Variants in LSM12 observed in about 807,000 individuals in gnomAD.
LSM12 encodes protein LSM12.
For missense variants in LSM12, 108 were observed against 238.9 expected (o/e 0.45, Z 3.61); for synonymous variants, 74 against 87.3 (o/e 0.85, Z 0.85).
At chr17:44,057,111 G>A (rs1238007593) in intron 2 of LSM12, among the ~76,000 whole-genome samples, 1 of 151,720 alleles carries the variant, frequency 6.6e-6, no homozygotes, top group African/African-American at 2.4e-5. Flanking sequence ...AGCTGAGATA[G>A]AGCCATGGCA....
chr17:44,061,054 A>G (rs1209995801), intron 2 of LSM12, among the ~76,000 whole-genome samples: 1 of 152,222 alleles, frequency 6.6e-6, no homozygotes, highest in African/African-American at 2.4e-5. Context: ...ACAGTGGCTC[A>G]CGCCTGTAAT....
At chr17:44,058,891 T>C (rs943515215) in intron 2 of LSM12, among the ~76,000 whole-genome samples, 3 of 151,780 alleles carry the variant, frequency 2.0e-5, no homozygotes, top group Admixed American at 6.6e-5. Context: ...TCCCAGCTAC[T>C]TGGGAGGCGA....
chr17:44,066,764 A>C, upstream of LSM12: 1 of 763,864 alleles, frequency 1.3e-6, no homozygotes, highest in South Asian at 6.4e-5. Context: ...GAGGAAATAA[A>C]GGGGAATCTG....
chr17:44,043,517 C>T (rs2049521767), intron 2 of LSM12, among the ~76,000 whole-genome samples: 1 of 147,824 alleles, frequency 6.8e-6, no homozygotes, highest in Non-Finnish European at 1.5e-5. Flanking sequence ...ACTCAAGCAC[C>T]AAAAAAACCC....
chr17:44,051,547 T>C (rs961670061), intron 2 of LSM12, among the ~76,000 whole-genome samples: 2 of 151,826 alleles, frequency 1.3e-5, no homozygotes, highest in Admixed American at 1.3e-4. Flanking sequence ...AGTAAGACCC[T>C]ATCTCGGGGA....
intron 2 of LSM12, among the ~76,000 whole-genome samples, chr17:44,057,685 G>A (rs1597895365): frequency 1.3e-5 from 2 of 151,580 alleles, no homozygotes; most frequent in Non-Finnish European, 2.9e-5. Flanking sequence ...CTTGAACCTG[G>A]GAGGCAGAGG....
intron 2 of LSM12, among the ~76,000 whole-genome samples, chr17:44,062,083 G>A (rs888278545): frequency 1.3e-5 from 2 of 152,070 alleles, no homozygotes; most frequent in Non-Finnish European, 2.9e-5. Context: ...TTAGCCGGGC[G>A]TGGTGTCGGG....
chr17:44,050,820 G>A (rs1289581357), intron 2 of LSM12, among the ~76,000 whole-genome samples: 2 of 152,142 alleles, frequency 1.3e-5, no homozygotes, highest in East Asian at 3.9e-4. Flanking sequence ...CGCGCCCAGT[G>A]TGCCTGAACA....
intron 2 of LSM12, among the ~76,000 whole-genome samples, chr17:44,050,394 G>A (rs879933543): frequency 2.6e-5 from 4 of 151,900 alleles, no homozygotes; most frequent in African/African-American, 4.8e-5. Flanking sequence ...ACAGGCATGC[G>A]CCACCGCACC....
Position 44,036,033 on chromosome 17 carries a change from T to C in LSM12, c.*175A>G. 1 of 528,272 alleles carries C rather than the reference T, an allele frequency of 1.9e-6. No homozygotes were observed. The highest frequency in any genetic ancestry group is 3.3e-6 in the Non-Finnish European group (1 of 301,862). 32.7% of individuals were successfully genotyped at this position (528,272 alleles called of 1,614,324 possible). The stretch of plus-strand genomic sequence containing the variant: ...TGATTCAACTTTTAAATTATTCTCT[T>C]GTTCTTTTTTGTTGGGTGTTTTGTT... On this transcript the variant is annotated 3_prime_UTR_variant, in exon 5 of 5. Coordinates refer to ENST00000293406, the MANE Select transcript of LSM12 (RefSeq NM_001371445.1).
Position 44,040,138 on chromosome 17 carries a change from C to T in LSM12, c.368+9G>A. 6.2e-7 allele frequency: 1 copy of T among 1,607,876 alleles called. No homozygotes were observed. The highest frequency in any genetic ancestry group is 8.5e-7 in the Non-Finnish European group (1 of 1,174,814). Reference sequence around the variant, plus strand: ...CCCAGGACAAAGGACCTCTCCGATCCCAACTCACGTCTTGTGAATGGTCTG... The same window carrying T: ...CCCAGGACAAAGGACCTCTCCGATCTCAACTCACGTCTTGTGAATGGTCTG... On this transcript the variant is annotated intron_variant, in intron 3 of 4. Coordinates refer to ENST00000293406, the MANE Select transcript of LSM12 (RefSeq NM_001371445.1).
At position 44,036,274 on chromosome 17, in the gene LSM12, T is replaced by C; in HGVS notation, c.522A>G (p.Glu174=). 1 of 1,613,902 alleles carries C rather than the reference T, an allele frequency of 6.2e-7. No individual in the cohort carries two copies. The highest frequency in any genetic ancestry group is 8.5e-7 in the Non-Finnish European group (1 of 1,179,966). Residue 174 remains glutamate (E), a synonymous_variant, in exon 5 of 5, where the codon GAA becomes GAG. Coordinates refer to ENST00000293406, the MANE Select transcript of LSM12 (RefSeq NM_001371445.1). ...GTGAACGTTGCAGTATCTTTTGGCT[T>C]TCCACGTCTCTAAAATGTTTTTCAA... ...KIVEKHFRDV[E]SQKILQRSQA... is the part of the protein sequence containing the mutation.
intron 2 of LSM12, among the ~76,000 whole-genome samples, chr17:44,045,495 A>C (rs2049551141): frequency 6.6e-6 from 1 of 152,180 alleles, no homozygotes; most frequent in Admixed American, 6.5e-5. Context: ...TTCCACTATG[A>C]GGATACAGTT....
intron 2 of LSM12, among the ~76,000 whole-genome samples, chr17:44,047,353 TCTC>T (rs534420533): frequency 4.6e-4 from 70 of 151,954 alleles, no homozygotes; most frequent in Middle Eastern, 3.4e-3. Flanking sequence ...TTCAAGCAAT[TCTC>T]CTGCCTCAGC....
At chr17:44,054,087 C>A (rs2049679919) in intron 2 of LSM12, among the ~76,000 whole-genome samples, 1 of 152,156 alleles carries the variant, frequency 6.6e-6, no homozygotes, top group African/African-American at 2.4e-5. Context: ...AGGAGGACAA[C>A]AATTCTCCTA....
At position 44,036,272 on chromosome 17, in the gene LSM12, C is replaced by T. The variant is rs2144061146; in HGVS notation, c.524G>A (p.Ser175Asn). Residue 175 changes from serine (S) to asparagine (N), a missense_variant, in exon 5 of 5, where the codon AGC becomes AAC. By Grantham distance (46) the Ser-to-Asn change is conservative. Transcript: ENST00000293406. ...IVEKHFRDVE[S>N]QKILQRSQAQ... ...TTGTGAACGTTGCAGTATCTTTTGG[C>T]TTTCCACGTCTCTAAAATGTTTTTC... The T allele has an allele frequency of 6.2e-7, 1 of 1,613,892 alleles. No homozygotes were observed. Among genetic ancestry groups the T allele is most frequent in the Non-Finnish European group, 8.5e-7 (1 of 1,179,986 alleles).
upstream of LSM12, chr17:44,066,784 T>C: frequency 1.6e-6 from 1 of 608,258 alleles, no homozygotes; most frequent in East Asian, 4.3e-5. Flanking sequence ...GAAAAGTATT[T>C]GTATAGCTGC....
rs753146103 is a variant in LSM12, at chr17:44,063,978, G to A, written c.125-44C>T. Reference sequence around the variant, plus strand: ...GTTAAGGAAAAATAGGACAAGCAGAGGCACTGACACATCCCAAAAGGGGCA... The same window carrying A: ...GTTAAGGAAAAATAGGACAAGCAGAAGCACTGACACATCCCAAAAGGGGCA... On this transcript the variant is annotated intron_variant, in intron 1 of 4. Transcript: ENST00000293406. 6 of 1,600,288 alleles carry A rather than the reference G, an allele frequency of 3.7e-6. No individual in the cohort carries two copies. The African/African-American group carries it at 4.0e-5, about 11-fold the overall frequency.
chr17:44,046,564 G>A (rs919153551), intron 2 of LSM12, among the ~76,000 whole-genome samples: 9 of 150,606 alleles, frequency 6.0e-5, no homozygotes, highest in African/African-American at 1.2e-4. Context: ...AAAATCAGCC[G>A]GGGATGGTGG....
Sources: gnomAD v4.1 joint callset for allele counts (sites outside exome capture counted in the v4.1 genomes callset) on GRCh38, gnomAD v4.1.1 for gene constraint, MANE v1.5 for transcripts, NCBI Gene and HGNC (gene_info 2026-07-23, HGNC 2026-07-21) for gene names.